The following GRHL2 variants were observed in gnomAD, a reference collection of about 807,000 sequenced individuals.
GRHL2 encodes grainyhead like transcription factor 2, also known as grainyhead-like protein 2 homolog.
A neutral mutation model predicts 83.8 loss-of-function variants in GRHL2; 21 were observed. That is an observed-to-expected ratio of 0.25 (90% confidence interval 0.18 to 0.36). The LOEUF is 0.36. GRHL2 is among the 10% of genes least tolerant of loss of function. The pLI is 1.00. For missense variants in GRHL2, 623 were observed against 781.8 expected, an observed-to-expected ratio of 0.80 and a Z score of 2.42; for synonymous variants, 280 against 278.9, an observed-to-expected ratio of 1.00 and a Z score of -0.04.
At chr8:101,519,982 T>A (rs1810650410) in intron 1 of GRHL2, among the ~76,000 whole-genome samples, 1 of 152,234 alleles carries the variant, frequency 6.6e-6, no homozygotes. Context: ...TAAATTTTAA[T>A]CAGGCAAACT....
At chr8:101,635,629 C>T (rs898687780) in intron 11 of GRHL2, among the ~76,000 whole-genome samples, 62 of 152,194 alleles carry the variant, frequency 4.1e-4, no homozygotes, top group African/African-American at 1.5e-3. Flanking sequence ...ACTCTATATT[C>T]ATTAAATTAG....
intron 9 of GRHL2, among the ~76,000 whole-genome samples, chr8:101,625,377 A>G (rs2130383992): frequency 6.6e-6 from 1 of 152,262 alleles, no homozygotes; most frequent in East Asian, 1.9e-4. Context: ...AAAAGCATGC[A>G]GAATATACAG....
intron 15 of GRHL2, 37 bp from the exon 16 acceptor site, chr8:101,666,552 G>A (rs373986102): frequency 4.7e-5 from 58 of 1,238,554 alleles, no homozygotes; most frequent in Non-Finnish European, 6.6e-5. Context: ...TGTTCACGGC[G>A]TCTTTGTTTT....
intron 11 of GRHL2, chr8:101,636,654 T>C (rs978183332): frequency 1.8e-6 from 1 of 541,872 alleles, no homozygotes; most frequent in African/African-American, 1.9e-5. Context: ...TTTCCAATTT[T>C]ATTTTATTAA....
chr8:101,600,358 G>A (rs765868854), intron 8 of GRHL2, among the ~76,000 whole-genome samples: 6 of 152,178 alleles, frequency 3.9e-5, no homozygotes, highest in Non-Finnish European at 7.3e-5. Flanking sequence ...TTCATTTAAA[G>A]TTTCCTGCCC....
chr8:101,586,599 A>T (rs1226775030), intron 7 of GRHL2, among the ~76,000 whole-genome samples: 1 of 152,160 alleles, frequency 6.6e-6, no homozygotes, highest in Non-Finnish European at 1.5e-5. Context: ...TCATTCATTC[A>T]TTTATTCATC....
At chr8:101,571,750 C>T (rs1811829066) in intron 5 of GRHL2, among the ~76,000 whole-genome samples, 1 of 152,128 alleles carries the variant, frequency 6.6e-6, no homozygotes, top group African/African-American at 2.4e-5. Context: ...CAATCTCAGG[C>T]TCCCCACTCA....
chr8:101,565,500 C>T (rs769947545), intron 4 of GRHL2, among the ~76,000 whole-genome samples: 1 of 152,096 alleles, frequency 6.6e-6, no homozygotes, highest in African/African-American at 2.4e-5. Flanking sequence ...AGTTCTCTTC[C>T]AATTAGTGAC....
At position 101,664,547 on chromosome 8, in the gene GRHL2, T is replaced by G. The variant is rs372962065; in HGVS notation, c.1763+29T>G. On this transcript the variant is annotated intron_variant, in intron 15 of 15. Coordinates refer to ENST00000646743, the MANE Select transcript of GRHL2 (RefSeq NM_024915.4). ...AGAAAGAAACTGAACTTAAATTGACTTTCAAATCAGATAAATCCACATGAT... is the reference window on the plus strand; with the variant it reads ...AGAAAGAAACTGAACTTAAATTGACGTTCAAATCAGATAAATCCACATGAT... The G allele has an allele frequency of 3.4e-4, 514 of 1,504,766 alleles. 7 individuals are homozygous for G. The South Asian group carries it at 3.6e-3, about 10-fold the overall frequency. The allele number at this position is 1,504,766 out of a possible 1,614,324, so 93.2% of individuals were successfully genotyped here.
In GRHL2 at chr8:101,635,168, C is replaced by T. The variant is rs182653502; in HGVS notation, c.1486-1729C>T. Among the ~76,000 whole-genome samples, 8 of 152,280 alleles carry T rather than the reference C, an allele frequency of 5.3e-5. No homozygotes were observed. The East Asian group carries it at 7.7e-4, about 15-fold the overall frequency. The stretch of plus-strand genomic sequence containing the variant: ...ATCACAGGAGTTCTTGATAAGGATT[C>T]GGATTCCTGAGTTCCATCCTTCATC... On this transcript the variant is annotated intron_variant, in intron 11 of 15. Coordinates refer to ENST00000646743, the MANE Select transcript of GRHL2 (RefSeq NM_024915.4).
intron 12 of GRHL2, 81 bp downstream of exon 12, chr8:101,637,009 CT>C: frequency 7.8e-7 from 1 of 1,279,768 alleles, no homozygotes; most frequent in Non-Finnish European, 1.1e-6. Context: ...CTTGGTAACC[CT>C]AGGCAGGAAG....
At chr8:101,560,828 G>A (rs577109667) in intron 4 of GRHL2, among the ~76,000 whole-genome samples, 50 of 152,124 alleles carry the variant, frequency 3.3e-4, no homozygotes, top group Non-Finnish European at 5.4e-4. Flanking sequence ...CAAATTATTT[G>A]TCCAATTTTT....
At chr8:101,645,190 T>C (rs1176325181) in intron 13 of GRHL2, among the ~76,000 whole-genome samples, 2 of 143,666 alleles carry the variant, frequency 1.4e-5, no homozygotes, top group Admixed American at 1.4e-4. Flanking sequence ...TAAAGTGCAG[T>C]GGCGTGATCT....
intron 7 of GRHL2, among the ~76,000 whole-genome samples, chr8:101,589,093 C>T (rs947657149): frequency 6.6e-6 from 1 of 152,086 alleles, no homozygotes; most frequent in South Asian, 2.1e-4. Flanking sequence ...ACATGTACTC[C>T]CAAGAGTGTC....
chr8:101,602,247 G>C (rs984167122), intron 8 of GRHL2, among the ~76,000 whole-genome samples: 8 of 152,196 alleles, frequency 5.3e-5, no homozygotes, highest in Non-Finnish European at 7.3e-5. Flanking sequence ...AGGCAAAATT[G>C]CATGATTGTT....
chr8:101,643,504 A>G (rs1563622116), intron 12 of GRHL2, among the ~76,000 whole-genome samples: 1 of 152,076 alleles, frequency 6.6e-6, no homozygotes, highest in Non-Finnish European at 1.5e-5. Context: ...AGGCCTCAGC[A>G]CCGCAGGCTT....
At chr8:101,613,755 A>G (rs908922127) in intron 8 of GRHL2, among the ~76,000 whole-genome samples, 1 of 151,100 alleles carries the variant, frequency 6.6e-6, no homozygotes, top group African/African-American at 2.5e-5. Flanking sequence ...TGTTTGTGAA[A>G]GGAAAATGTG....
intron 11 of GRHL2, 55 bp from the exon 12 acceptor site, chr8:101,636,841 TA>T: frequency 6.6e-7 from 1 of 1,507,036 alleles, no homozygotes; most frequent in Non-Finnish European, 9.2e-7. Context: ...CATCACGTAA[TA>T]TTTTTTCCAT....
chr8:101,611,811 T>C (rs4734028), intron 8 of GRHL2, among the ~76,000 whole-genome samples: 75,192 of 150,120 alleles, frequency 0.5, 21,194 homozygotes, highest in African/African-American at 0.72. Flanking sequence ...CACCACTCCC[T>C]GCCTTTCAGG....
Sources: gnomAD v4.1 joint callset for allele counts (sites outside exome capture counted in the v4.1 genomes callset) on GRCh38, gnomAD v4.1.1 for gene constraint, MANE v1.5 for transcripts, NCBI Gene and HGNC (gene_info 2026-07-23, HGNC 2026-07-21) for gene names.